Variants in ZNF407 observed in about 807,000 individuals in gnomAD.
The protein encoded by ZNF407 is zinc finger protein 407.
Under a neutral mutation model 131.2 loss-of-function variants are expected in ZNF407, and 17 were observed. That is an observed-to-expected ratio of 0.13 (90% CI 0.09 to 0.19). The LOEUF is 0.19. Ranked by LOEUF, ZNF407 falls within the 10% of genes least tolerant of loss-of-function variation. The pLI is 1.00. For synonymous variants in ZNF407, 1,156 were observed against 1,062.0 expected, an observed-to-expected ratio of 1.09 and a Z score of -1.72; for missense variants, 2,681 against 2,830.6, an observed-to-expected ratio of 0.95 and a Z score of 1.20.
At chr18:74,849,552 CTG>C (rs1970752564) in intron 4 of ZNF407, among the ~76,000 whole-genome samples, 1 of 152,140 alleles carries the variant, frequency 6.6e-6, no homozygotes, top group Non-Finnish European at 1.5e-5. Context: ...TTGTCAGACT[CTG>C]TGCCTTGAGA....
chr18:74,624,272 A>G (rs1983692005), intron 1 of ZNF407, among the ~76,000 whole-genome samples: 1 of 152,112 alleles, frequency 6.6e-6, no homozygotes, highest in Admixed American at 6.5e-5. Context: ...TGAGGCCTTA[A>G]ACTGTCCCAA....
chr18:75,013,204 G>A (rs895039389), intron 8 of ZNF407, among the ~76,000 whole-genome samples: 1 of 152,124 alleles, frequency 6.6e-6, no homozygotes, highest in Non-Finnish European at 1.5e-5. Flanking sequence ...AAGAGATGCG[G>A]TGACATGTGG....
chr18:74,838,205 A>G (rs961101612), intron 4 of ZNF407, among the ~76,000 whole-genome samples: 1 of 152,068 alleles, frequency 6.6e-6, no homozygotes, highest in African/African-American at 2.4e-5. Context: ...ATGCTTTTCC[A>G]TCTGCCGTCC....
chr18:75,015,445 G>A (rs866166702), intron 8 of ZNF407, among the ~76,000 whole-genome samples: 4 of 150,352 alleles, frequency 2.7e-5, no homozygotes, highest in Admixed American at 6.6e-5. Context: ...CCGGTACAGC[G>A]GAAGAAAACA....
chr18:75,009,480 G>A (rs753378393), intron 8 of ZNF407, among the ~76,000 whole-genome samples: 3 of 152,184 alleles, frequency 2.0e-5, no homozygotes, highest in Admixed American at 6.5e-5. Flanking sequence ...ATGAACTTGT[G>A]TGGATGACTT....
At chr18:74,696,883 T>C (rs1175984044) in intron 3 of ZNF407, among the ~76,000 whole-genome samples, 1 of 152,180 alleles carries the variant, frequency 6.6e-6, no homozygotes, top group Non-Finnish European at 1.5e-5. Flanking sequence ...ACCTTTTTTG[T>C]TAAGTTTTTC....
Position 74,635,211 on chromosome 18 carries a change from G to A in ZNF407, c.4192G>A (p.Val1398Met), listed in dbSNP as rs1453903405. ...ELPLKDCAQG[V>M]KKKKSEGSSI... ...GCCCTTGAAAGACTGTGCTCAAGGT[G>A]TGAAAAAGAAGAAATCTGAGGGCAG... Residue 1398 changes from valine (V) to methionine (M), a missense_variant, in exon 2 of 9, where the codon GTG becomes ATG. Physicochemically the swap from Val to Met is conservative, Grantham distance 21 (BLOSUM62 1). This residue lies in a region of ZNF407 where 1,789 missense variants were observed against 1,748.7 expected (regional missense o/e 1.02). Coordinates refer to ENST00000299687, the MANE Select transcript of ZNF407 (RefSeq NM_017757.3). This position sits in a 1 kb window ranked among gnomAD's most constrained non-coding sequence, Gnocchi z 4.7. 1 of 1,614,034 alleles carries A rather than the reference G, an allele frequency of 6.2e-7. No homozygotes were observed. Among genetic ancestry groups the A allele is most frequent in the Non-Finnish European group, 8.5e-7 (1 of 1,179,888 alleles).
At chr18:74,768,143 C>G (rs923745801) in intron 3 of ZNF407, among the ~76,000 whole-genome samples, 1 of 151,814 alleles carries the variant, frequency 6.6e-6, no homozygotes, top group Admixed American at 6.6e-5. Context: ...TTAAAAGTAC[C>G]CTTAAGCCAG....
At chr18:74,659,860 C>T (rs1599048135) in intron 3 of ZNF407, among the ~76,000 whole-genome samples, 1 of 152,122 alleles carries the variant, frequency 6.6e-6, no homozygotes, top group East Asian at 1.9e-4. Context: ...TGAAAAGTCA[C>T]TTCTGTGCAT....
chr18:74,861,006 CT>C (rs1970930373), intron 4 of ZNF407, among the ~76,000 whole-genome samples: 1 of 152,108 alleles, frequency 6.6e-6, no homozygotes, highest in Admixed American at 6.5e-5. Context: ...ATGGTTGAGC[CT>C]TAAAAATGTA....
chr18:74,629,289 C>T (rs544251663), intron 1 of ZNF407, among the ~76,000 whole-genome samples: 1 of 152,206 alleles, frequency 6.6e-6, no homozygotes, highest in African/African-American at 2.4e-5. Flanking sequence ...GTTTGATTTG[C>T]ATTTCTTTAG....
intron 8 of ZNF407, among the ~76,000 whole-genome samples, chr18:74,971,577 C>G (rs1313303329): frequency 2.0e-5 from 3 of 152,186 alleles, no homozygotes; most frequent in Admixed American, 1.3e-4. Flanking sequence ...TACTCCAGTT[C>G]TCAACAAGTT....
At chr18:74,762,148 T>A (rs1425018438) in intron 3 of ZNF407, among the ~76,000 whole-genome samples, 2 of 152,040 alleles carry the variant, frequency 1.3e-5, no homozygotes, top group Non-Finnish European at 2.9e-5. Flanking sequence ...CTGTTTATCC[T>A]TTCGTAGTAC....
At chr18:74,864,337 C>T (rs547576979) in intron 4 of ZNF407, among the ~76,000 whole-genome samples, 57 of 152,190 alleles carry the variant, frequency 3.7e-4, no homozygotes, top group African/African-American at 1.3e-3. Flanking sequence ...GATCATACTT[C>T]GAAGATAATT....
intron 3 of ZNF407, among the ~76,000 whole-genome samples, chr18:74,769,660 C>T (rs1490994291): frequency 6.6e-6 from 1 of 152,208 alleles, no homozygotes; most frequent in Non-Finnish European, 1.5e-5. Flanking sequence ...TCATGTTTAA[C>T]TTAACCAAGG....
intron 3 of ZNF407, among the ~76,000 whole-genome samples, chr18:74,714,961 A>G (rs922770157): frequency 6.6e-6 from 1 of 152,140 alleles, no homozygotes; most frequent in African/African-American, 2.4e-5. Context: ...CGCTCTGGAT[A>G]GCCAGGTTCC....
chr18:74,797,829 T>C (rs1969948617), intron 4 of ZNF407, among the ~76,000 whole-genome samples: 1 of 151,726 alleles, frequency 6.6e-6, no homozygotes, highest in South Asian at 2.1e-4. Context: ...TTTTTTTTTT[T>C]ACATTTTAAG....
rs563963554 is a variant in ZNF407 at position 74,932,084 on chromosome 18, A to AAT, written c.5428+11395_5428+11396dup. ...CCTTTATGCTCTGAGCTTTTGATACAATATCTTCTAAAAGCTAGTTGCCTA... is the reference window on the plus strand; with the variant it reads ...CCTTTATGCTCTGAGCTTTTGATACAATATATCTTCTAAAAGCTAGTTGCCTA... On this transcript the variant is annotated intron_variant, in intron 8 of 8. Transcript: ENST00000299687. 5.1e-3 allele frequency among the ~76,000 whole-genome samples: 781 copies of AAT among 152,284 alleles called. 3 individuals are homozygous for AAT. Among genetic ancestry groups the AAT allele is most frequent in the Non-Finnish European group, 7.6e-3 (520 of 68,024 alleles).
At chr18:74,678,208 TG>T (rs1299000477) in intron 3 of ZNF407, among the ~76,000 whole-genome samples, 1 of 152,236 alleles carries the variant, frequency 6.6e-6, no homozygotes, top group Non-Finnish European at 1.5e-5. Context: ...TGAGGATTTA[TG>T]TTAACTTCTG....
Sources: allele counts gnomAD v4.1 joint callset (sites outside exome capture counted in the v4.1 genomes callset), GRCh38; gene constraint gnomAD v4.1.1; regional missense constraint gnomAD v4.1.1; non-coding constraint Gnocchi (gnomAD v3.1); transcripts MANE v1.5; gene names NCBI Gene and HGNC (gene_info 2026-07-23, HGNC 2026-07-21).